STK33: variants seen among roughly 807,000 people sequenced by gnomAD.
STK33 encodes the protein serine/threonine kinase 33, also known as serine/threonine-protein kinase 33.
A neutral mutation model predicts 58.0 loss-of-function variants in STK33; 52 were observed. The ratio of observed to expected loss-of-function variants is 0.90; its 90% CI spans 0.72 to 1.13. STK33 has a LOEUF of 1.13. Ranked by LOEUF, STK33 falls within the 50% of genes most tolerant of loss-of-function variation. The pLI is 0.00. For synonymous variants in STK33, 215 were observed against 200.1 expected (o/e 1.07, Z -0.63); for missense variants, 630 against 604.2 (o/e 1.04, Z -0.45).
intron 1 of STK33, among the ~76,000 whole-genome samples, chr11:8,556,684 T>C (rs968431017): frequency 6.6e-6 from 1 of 152,240 alleles, no homozygotes; most frequent in Non-Finnish European, 1.5e-5. Context: ...ATAGCACTTA[T>C]CACAGTTTAT....
intron 1 of STK33, among the ~76,000 whole-genome samples, chr11:8,587,970 C>T (rs11042000): frequency 0.055 from 8,326 of 152,234 alleles, 375 homozygotes; most frequent in East Asian, 0.24. Flanking sequence ...TCTCACAGTT[C>T]TGGAGGCTGA....
chr11:8,404,908 AG>A (rs1324098989), intron 15 of STK33, among the ~76,000 whole-genome samples: 1 of 152,246 alleles, frequency 6.6e-6, no homozygotes, highest in Non-Finnish European at 1.5e-5. Flanking sequence ...TGGGAGGCCA[AG>A]GTAGGCGGAT....
intron 15 of STK33, among the ~76,000 whole-genome samples, chr11:8,396,915 A>AG (rs1241468299): frequency 6.6e-6 from 1 of 152,120 alleles, no homozygotes; most frequent in African/African-American, 2.4e-5. Flanking sequence ...AGGCTGGGAG[A>AG]GGGGCGCCCG....
At chr11:8,508,555 G>A (rs1952053450) in intron 1 of STK33, among the ~76,000 whole-genome samples, 1 of 152,070 alleles carries the variant, frequency 6.6e-6, no homozygotes. Flanking sequence ...ATAGGCATGA[G>A]CTATTGTGCC....
chr11:8,382,059 G>C, the STK33 span, among the ~76,000 whole-genome samples: 46 of 151,676 alleles, frequency 3.0e-4, no homozygotes, highest in African/African-American at 1.1e-3. Context: ...CTCCTGCCTC[G>C]CCCCCACCCC....
intron 14 of STK33, among the ~76,000 whole-genome samples, chr11:8,431,826 AT>A (rs1283115486): frequency 6.6e-6 from 1 of 151,890 alleles, no homozygotes; most frequent in Non-Finnish European, 1.5e-5. Flanking sequence ...TAGTCTCACA[AT>A]TTTCTTTCCT....
chr11:8,477,538 G>A (rs1949397008), intron 2 of STK33, among the ~76,000 whole-genome samples: 1 of 152,100 alleles, frequency 6.6e-6, no homozygotes, highest in Admixed American at 6.5e-5. Flanking sequence ...TTTAACTGCA[G>A]CTGAGTTCTT....
At chr11:8,384,628 G>A in the STK33 span, among the ~76,000 whole-genome samples, 1 of 152,208 alleles carries the variant, frequency 6.6e-6, no homozygotes, top group Non-Finnish European at 1.5e-5. Context: ...GTATTAAAGT[G>A]TTTGATCTCT....
chr11:8,391,164 T>C (rs1016793634), downstream of STK33, among the ~76,000 whole-genome samples: 1 of 152,184 alleles, frequency 6.6e-6, no homozygotes, highest in African/African-American at 2.4e-5. Context: ...AAAGACTGGC[T>C]TACTAAACCC....
chr11:8,526,800 A>G (rs1291712416), intron 1 of STK33, among the ~76,000 whole-genome samples: 7 of 145,328 alleles, frequency 4.8e-5, no homozygotes, highest in Non-Finnish European at 1.0e-4. Context: ...ATGTGACATC[A>G]TTGATGAATA....
chr11:8,338,453 G>T, the STK33 span, among the ~76,000 whole-genome samples: 1 of 152,168 alleles, frequency 6.6e-6, no homozygotes, highest in Non-Finnish European at 1.5e-5. Flanking sequence ...CAGGCCCCTT[G>T]TGAGGGTGTT....
Position 8,457,498 on chromosome 11 carries a change from A to AAG in STK33, c.559-21_559-20dup, listed in dbSNP as rs766701572. 8 of 1,555,172 alleles carry AAG rather than the reference A, an allele frequency of 5.1e-6. No individual in the cohort carries two copies. Among genetic ancestry groups the AAG allele is most frequent in the South Asian group, 3.6e-5 (3 of 83,870 alleles). On this transcript the variant is annotated intron_variant, in intron 8 of 15. Transcript: ENST00000687296. ...ACATTTTCTGACATTATATATATAAAAGAGAGAGAGAGCAAATTATATATC... is the reference window on the plus strand; with the variant it reads ...ACATTTTCTGACATTATATATATAAAAGAGAGAGAGAGAGCAAATTATATATC...
At chr11:8,393,714 A>G (rs1848891762) in intron 15 of STK33, among the ~76,000 whole-genome samples, 1 of 152,232 alleles carries the variant, frequency 6.6e-6, no homozygotes, top group Admixed American at 6.5e-5. Context: ...AGAGTGTGAT[A>G]AGATGGTGTG....
intron 1 of STK33, among the ~76,000 whole-genome samples, chr11:8,590,678 TC>T (rs148618420): frequency 0.052 from 7,914 of 152,258 alleles, 269 homozygotes; most frequent in Non-Finnish European, 0.07. Flanking sequence ...GTTAGTAATT[TC>T]TTATGCACTT....
the STK33 span, among the ~76,000 whole-genome samples, chr11:8,371,502 A>G: frequency 6.6e-6 from 1 of 152,218 alleles, no homozygotes; most frequent in African/African-American, 2.4e-5. Flanking sequence ...TGTTGTTTTA[A>G]GCCACAGAAT....
chr11:8,474,760 C>T lies in STK33; in HGVS notation c.146G>A (p.Gly49Asp), dbSNP rs200278563. 1,266 of 1,613,134 alleles carry T rather than the reference C, an allele frequency of 7.8e-4. 18 individuals are homozygous for T. In the South Asian group the frequency reaches 0.013, roughly 17 times the overall value. Reference sequence around the variant, plus strand: ...CAGTGAAATTAAAGATTCTGCACTACCAATGCTTGATGTCTGTGACATTTC... The same window carrying T: ...CAGTGAAATTAAAGATTCTGCACTATCAATGCTTGATGTCTGTGACATTTC... ...VVEMSQTSSI[G>D]SAESLISLER... Residue 49 changes from glycine to aspartate, a missense_variant, in exon 5 of 16, where the codon GGT (glycine) becomes GAT (aspartate). Physicochemically the swap from Gly to Asp is moderately conservative, Grantham distance 94. Transcript: ENST00000687296.
chr11:8,346,733 C>T, the STK33 span, among the ~76,000 whole-genome samples: 1 of 152,114 alleles, frequency 6.6e-6, no homozygotes, highest in Non-Finnish European at 1.5e-5. Context: ...CCGACCCCTA[C>T]TCTCATTTTC....
At chr11:8,376,717 A>AT in the STK33 span, among the ~76,000 whole-genome samples, 2 of 151,288 alleles carry the variant, frequency 1.3e-5, no homozygotes, top group African/African-American at 2.4e-5. Flanking sequence ...AGTTTTTTGT[A>AT]TTTTTAGTAG....
At chr11:8,456,154 A>G (rs1205020049) in intron 9 of STK33, among the ~76,000 whole-genome samples, 2 of 152,226 alleles carry the variant, frequency 1.3e-5, no homozygotes, top group Non-Finnish European at 2.9e-5. Context: ...TTGGAATTAT[A>G]CTGAATTTAT....
Sources: gnomAD v4.1 joint callset for allele counts (sites outside exome capture counted in the v4.1 genomes callset) on GRCh38, gnomAD v4.1.1 for gene constraint, MANE v1.5 for transcripts, NCBI Gene and HGNC (gene_info 2026-07-23, HGNC 2026-07-21) for gene names.